Variants in NSF observed in about 807,000 individuals in gnomAD.
The protein encoded by NSF is vesicle-fusing ATPase.
Under a neutral mutation model 50.3 loss-of-function variants are expected in NSF, and 14 were observed. The observed-to-expected ratio is 0.28, with a 90% CI of 0.18 to 0.44. NSF has a LOEUF of 0.44. NSF is among the 20% of genes least tolerant of loss of function. NSF has a pLI of 1.00. For missense variants in NSF, 218 were observed against 504.3 expected (o/e 0.43, Z 5.44); for synonymous variants, 109 against 175.7 (o/e 0.62, Z 3.00).
intron 17 of NSF, among the ~76,000 whole-genome samples, chr17:46,739,929 G>A (rs1363120555): frequency 6.6e-6 from 1 of 152,022 alleles, no homozygotes; most frequent in African/African-American, 2.4e-5. Flanking sequence ...CAAACTCCTG[G>A]CCTCAAGTGA....
At chr17:46,638,638 A>G (rs1598655892) in intron 5 of NSF, among the ~76,000 whole-genome samples, 1 of 137,812 alleles carries the variant, frequency 7.3e-6, no homozygotes, top group South Asian at 2.4e-4. Flanking sequence ...TGACCTCCCA[A>G]AGTGCTGAGA....
At position 46,728,901 on chromosome 17, in the gene NSF, T is replaced by C. The variant is rs2058920277; in HGVS notation, c.1875T>C (p.Ala625=). ...GATTTTCAAATCTTGTATTACAGGC[T>C]CTTCTCGTTTTACTGAAAAAGGCAC... is the stretch of plus-strand genomic sequence containing the variant. ...GPRFSNLVLQ[A]LLVLLKKAPP... The change falls in exon 17 of 21, where the codon GCT becomes GCC. Residue 625 remains alanine (A), a synonymous_variant. Coordinates refer to ENST00000398238, the MANE Select transcript of NSF (RefSeq NM_006178.4). 1.2e-6 allele frequency: 2 copies of C among 1,608,376 alleles called. No homozygotes were observed. Among genetic ancestry groups the C allele is most frequent in the Non-Finnish European group, 1.7e-6 (2 of 1,177,510 alleles).
rs183074999 is a variant in NSF at position 46,753,178 on chromosome 17, T to A, written c.2157+1562T>A. On this transcript the variant is annotated intron_variant, in intron 19 of 20. Coordinates refer to ENST00000398238, the MANE Select transcript of NSF (RefSeq NM_006178.4). The stretch of plus-strand genomic sequence containing the variant: ...GTTACTAGGTGTTACTAGGTCCATC[T>A]AGGTGGACAGAGTGGCTGTATTCTA... Among the ~76,000 whole-genome samples the A allele has an allele frequency of 1.4e-4, 22 of 152,360 alleles. 1 individual carries two copies. In the East Asian group the frequency reaches 4.2e-3, roughly 29 times the overall value.
At position 46,671,935 on chromosome 17, in the gene NSF, C is replaced by T. The variant is rs536503736; in HGVS notation, c.746-2479C>T. Reference sequence around the variant, plus strand: ...ATTAGCTCAGCTATGAGAATAAGCACGGTCCATAAATTAAGAGCTTCAAAT... The same window carrying T: ...ATTAGCTCAGCTATGAGAATAAGCATGGTCCATAAATTAAGAGCTTCAAAT... On this transcript the variant is annotated intron_variant, in intron 8 of 20. Transcript: ENST00000398238. Among the ~76,000 whole-genome samples the T allele has an allele frequency of 6.9e-5, 10 of 144,012 alleles. No homozygotes were observed. The East Asian group carries it at 1.7e-3, about 25-fold the overall frequency. 94.5% of individuals were successfully genotyped at this position (144,012 alleles called of 152,430 possible). A position where few individuals can be genotyped will look rare whatever the true frequency, so the allele number is the denominator to read the frequency against.
At chr17:46,748,921 A>T (rs1036765751) in intron 17 of NSF, among the ~76,000 whole-genome samples, 22 of 152,366 alleles carry the variant, frequency 1.4e-4, no homozygotes, top group African/African-American at 4.6e-4. Flanking sequence ...TTGTATAAAC[A>T]TAATAAATAC....
intron 9 of NSF, among the ~76,000 whole-genome samples, chr17:46,678,548 C>G (rs1238351541): frequency 6.8e-6 from 1 of 147,794 alleles, no homozygotes; most frequent in African/African-American, 2.5e-5. Context: ...TTTAAAGTTC[C>G]AGAAAGGCAA....
chr17:46,622,467 A>T (rs981158764), intron 1 of NSF, among the ~76,000 whole-genome samples: 1 of 149,960 alleles, frequency 6.7e-6, no homozygotes, highest in African/African-American at 2.5e-5. Context: ...CAAACAAATT[A>T]AAATAAATAA....
intron 17 of NSF, among the ~76,000 whole-genome samples, chr17:46,730,918 C>A (rs941480664): frequency 1.6e-4 from 25 of 152,022 alleles, no homozygotes; most frequent in Non-Finnish European, 3.5e-4. Context: ...TAATGACAAG[C>A]GCTGGTGCAG....
chr17:46,712,837 A>G (rs169201), intron 14 of NSF, among the ~76,000 whole-genome samples: 20,325 of 152,172 alleles, frequency 0.13, 1,852 homozygotes, highest in Non-Finnish European at 0.2. Context: ...GAAAGAGAGA[A>G]TGTGTGTTAC....
intron 15 of NSF, among the ~76,000 whole-genome samples, chr17:46,717,943 C>G (rs958793581): frequency 6.6e-6 from 1 of 152,220 alleles, no homozygotes; most frequent in Non-Finnish European, 1.5e-5. Flanking sequence ...GACCCTGGCC[C>G]AGAAGAAGTG....
chr17:46,728,797 TG>T, intron 16 of NSF, 57 bp from the exon 17 acceptor site: 1 of 1,138,116 alleles, frequency 8.8e-7, no homozygotes, highest in Non-Finnish European at 1.3e-6. Flanking sequence ...AAAAACTGAA[TG>T]TTTGGAATAT....
chr17:46,713,776 A>G (rs1339926531), intron 14 of NSF, 77 bp from the exon 15 acceptor site: 1 of 1,443,216 alleles, frequency 6.9e-7, no homozygotes, highest in Non-Finnish European at 9.5e-7. Flanking sequence ...TATGTTCTGG[A>G]TAAAAGTTTA....
At position 46,667,505 on chromosome 17, in the gene NSF, C is replaced by T. The variant is rs1178747543; in HGVS notation, c.746-6909C>T. ...AAATCTTTACCTTGCAAAACTAAAA[C>T]TAAAACAACCCAATGACAGCACTGC... is the stretch of plus-strand genomic sequence containing the variant. On this transcript the variant is annotated intron_variant, in intron 8 of 20. Coordinates refer to ENST00000398238, the MANE Select transcript of NSF (RefSeq NM_006178.4). Among the ~76,000 whole-genome samples the T allele has an allele frequency of 1.5e-5, 2 of 136,502 alleles. 1 individual carries two copies. The highest frequency in any genetic ancestry group is 1.5e-4 in the Admixed American group (2 of 12,990). The allele number at this position is 136,502 out of a possible 152,430, so 89.6% of individuals were successfully genotyped here.
chr17:46,598,543 T>C lies in NSF; in HGVS notation c.12+7756T>C, dbSNP rs373181007. On this transcript the variant is annotated intron_variant, in intron 1 of 20. Coordinates refer to ENST00000398238, the MANE Select transcript of NSF (RefSeq NM_006178.4). ...GTCGAGGTCATCTGTTTGGCAGAGA[T>C]AGGAGTAAGATAATGTGAAATAGGA... Among the ~76,000 whole-genome samples, 5 of 152,210 alleles carry C rather than the reference T, an allele frequency of 3.3e-5. No individual in the cohort carries two copies. The East Asian group carries it at 7.7e-4, about 23-fold the overall frequency.
chr17:46,707,533 ACT>A (rs2058668400), intron 13 of NSF, among the ~76,000 whole-genome samples: 3 of 151,840 alleles, frequency 2.0e-5, no homozygotes, highest in Admixed American at 2.0e-4. Flanking sequence ...TTAAATAATA[ACT>A]CTTTTTTCCC....
chr17:46,721,789 G>T, intron 15 of NSF: 1 of 1,601,022 alleles, frequency 6.2e-7, no homozygotes, highest in Non-Finnish European at 8.6e-7. Context: ...GGAAGGCATC[G>T]TGCACAGCTG....
At chr17:46,747,874 G>T (rs1198145051) in intron 17 of NSF, among the ~76,000 whole-genome samples, 2 of 152,162 alleles carry the variant, frequency 1.3e-5, no homozygotes, top group East Asian at 3.8e-4. Context: ...AGAACTGAAT[G>T]ATTGGAATTT....
intron 17 of NSF, among the ~76,000 whole-genome samples, chr17:46,729,542 G>A (rs902732774): frequency 1.5e-4 from 1 of 6,772 alleles, no homozygotes; most frequent in Non-Finnish European, 5.0e-3. Flanking sequence ...ATGAAGGTTG[G>A]TTAAATATGT....
At chr17:46,738,845 T>TA (rs1406661020) in intron 17 of NSF, among the ~76,000 whole-genome samples, 1 of 152,290 alleles carries the variant, frequency 6.6e-6, no homozygotes, top group African/African-American at 2.4e-5. Context: ...CTTACGCCTA[T>TA]AATCCCAGCA....
Sources: allele counts gnomAD v4.1 joint callset (sites outside exome capture counted in the v4.1 genomes callset), GRCh38; gene constraint gnomAD v4.1.1; transcripts MANE v1.5; gene names NCBI Gene and HGNC (gene_info 2026-07-23, HGNC 2026-07-21).